The following COL23A1 variants were observed in gnomAD, a reference collection of about 807,000 sequenced individuals.
The protein encoded by COL23A1 is collagen type XXIII alpha 1 chain.
A neutral mutation model predicts 99.3 loss-of-function variants in COL23A1; 97 were observed. That is an observed-to-expected ratio of 0.98 (90% CI 0.83 to 1.16). The LOEUF (loss-of-function observed/expected upper bound fraction) is 1.16, where lower values mean the gene tolerates loss of function less well. COL23A1 is among the 50% of genes most tolerant of loss of function. COL23A1 has a pLI of 0.00. For missense variants in COL23A1, 762 were observed against 757.4 expected (o/e 1.01, Z -0.07); for synonymous variants, 320 against 308.2 (o/e 1.04, Z -0.40).
At chr5:178,349,073 C>T (rs184928148) in intron 2 of COL23A1, among the ~76,000 whole-genome samples, 1 of 152,296 alleles carries the variant, frequency 6.6e-6, no homozygotes. Context: ...AAGGGATTCT[C>T]GGTAGAGCCG....
chr5:178,441,669 GAAAC>G lies in COL23A1; in HGVS notation c.361+119009_361+119012del, dbSNP rs530713024. On this transcript the variant is annotated intron_variant, in intron 2 of 28. Coordinates refer to ENST00000390654, the MANE Select transcript of COL23A1 (RefSeq NM_173465.4). ...GAAAGACAAACACAAACATGCTTTTGAAACAAACAAAATAGTCAAGGAACCCCTA... is the reference window on the plus strand; with the variant it reads ...GAAAGACAAACACAAACATGCTTTTGAAACAAAATAGTCAAGGAACCCCTA... Among the ~76,000 whole-genome samples, 407 of 152,226 alleles carry G rather than the reference GAAAC, an allele frequency of 2.7e-3. 3 individuals are homozygous for G. Among genetic ancestry groups the G allele is most frequent in the African/African-American group, 9.7e-3 (401 of 41,506 alleles).
intron 2 of COL23A1, among the ~76,000 whole-genome samples, chr5:178,429,364 TC>T (rs1489376682): frequency 6.6e-6 from 1 of 151,928 alleles, no homozygotes; most frequent in Non-Finnish European, 1.5e-5. Context: ...TTGCCCTGCT[TC>T]CCCGGCCTGA....
At chr5:178,273,254 C>T (rs1314958645) in intron 5 of COL23A1, among the ~76,000 whole-genome samples, 6 of 152,210 alleles carry the variant, frequency 3.9e-5, no homozygotes, top group South Asian at 2.1e-4. Flanking sequence ...TCAGTGCTGC[C>T]GGCTGTTTCT....
chr5:178,321,769 G>A (rs1047902478), intron 2 of COL23A1, among the ~76,000 whole-genome samples: 2 of 151,674 alleles, frequency 1.3e-5, no homozygotes, highest in African/African-American at 4.8e-5. Context: ...GATTACAGGC[G>A]TGAGCCACCG....
intron 2 of COL23A1, among the ~76,000 whole-genome samples, chr5:178,504,268 T>C (rs1758740814): frequency 6.6e-6 from 1 of 152,072 alleles, no homozygotes; most frequent in South Asian, 2.1e-4. Flanking sequence ...ACTGCTAAGT[T>C]GGGCAGACAG....
intron 3 of COL23A1, among the ~76,000 whole-genome samples, chr5:178,303,220 A>T (rs1430664429): frequency 6.6e-6 from 1 of 152,136 alleles, no homozygotes; most frequent in East Asian, 1.9e-4. Flanking sequence ...GGCTGGTCTC[A>T]AACTCCTGGC....
chr5:178,533,851 T>C (rs760797719), intron 2 of COL23A1, among the ~76,000 whole-genome samples: 6 of 152,192 alleles, frequency 3.9e-5, no homozygotes, highest in African/African-American at 7.2e-5. Flanking sequence ...ATATAATATA[T>C]AAAAATATTT....
intron 2 of COL23A1, chr5:178,438,568 A>T (rs952319966): frequency 4.6e-5 from 7 of 152,190 alleles, no homozygotes; most frequent in African/African-American, 1.7e-4. Flanking sequence ...TTACCCAAAA[A>T]TACCTTGAAA....
intron 2 of COL23A1, among the ~76,000 whole-genome samples, chr5:178,512,724 G>A (rs1759279977): frequency 6.6e-6 from 1 of 152,150 alleles, no homozygotes. Context: ...ATCTGCAACT[G>A]CAAAAAGAGA....
chr5:178,330,368 G>T (rs945146390), intron 2 of COL23A1, among the ~76,000 whole-genome samples: 1 of 152,146 alleles, frequency 6.6e-6, no homozygotes, highest in African/African-American at 2.4e-5. Context: ...GGTGCAGATC[G>T]AGCTATGGCT....
Position 178,250,114 on chromosome 5 carries a change from G to A in COL23A1, c.1015-9C>T. The A allele has an allele frequency of 6.2e-7, 1 of 1,614,168 alleles. No homozygotes were observed. The highest frequency in any genetic ancestry group is 2.2e-5 in the East Asian group (1 of 44,884). On this transcript the variant is annotated splice_polypyrimidine_tract_variant and intron_variant, in intron 17 of 28. Transcript: ENST00000390654. The stretch of plus-strand genomic sequence containing the variant: ...GGCAATCCAAGCTCGCCCTGGAAGG[G>A]AAGAGATGGCAAGAGGGGTTATGCC...
chr5:178,588,765 C>G (rs1435936030), intron 1 of COL23A1, among the ~76,000 whole-genome samples: 3 of 152,152 alleles, frequency 2.0e-5, no homozygotes, highest in Admixed American at 6.5e-5. Flanking sequence ...CTTTGGAATC[C>G]AAAGGAACTC....
intron 2 of COL23A1, among the ~76,000 whole-genome samples, chr5:178,318,874 C>A (rs1759124237): frequency 6.6e-6 from 1 of 150,534 alleles, no homozygotes; most frequent in South Asian, 2.1e-4. Flanking sequence ...TGCACTCTAG[C>A]CTGGGCGATA....
chr5:178,290,456 C>G, intron 3 of COL23A1, 87 bp from the exon 4 acceptor site: 1 of 1,560,778 alleles, frequency 6.4e-7, no homozygotes, highest in East Asian at 2.2e-5. Context: ...CACCTGTCCT[C>G]AGCACGGCTC....
At chr5:178,382,913 C>A (rs1192745405) in intron 2 of COL23A1, among the ~76,000 whole-genome samples, 1 of 152,120 alleles carries the variant, frequency 6.6e-6, no homozygotes, top group Non-Finnish European at 1.5e-5. Flanking sequence ...AACCAGGTGG[C>A]AACCAGGGGG....
At position 178,471,524 on chromosome 5, in the gene COL23A1, C is replaced by T. The variant is rs1271929600; in HGVS notation, c.361+89158G>A. On this transcript the variant is annotated intron_variant, in intron 2 of 28. Transcript: ENST00000390654. ...AAAGTGCTCGGATTACGGGTGTGAGCCACTGTGCCTTGGCCTGCTTTTTAT... is the reference window on the plus strand; with the variant it reads ...AAAGTGCTCGGATTACGGGTGTGAGTCACTGTGCCTTGGCCTGCTTTTTAT... Among the ~76,000 whole-genome samples, 4 of 25,714 alleles carry T rather than the reference C, an allele frequency of 1.6e-4. No homozygotes were observed. The Admixed American group carries it at 1.7e-3, about 11-fold the overall frequency. The allele number at this position is 25,714 out of a possible 152,430, so 16.9% of individuals were successfully genotyped here.
chr5:178,520,157 T>C (rs1056461872), intron 2 of COL23A1, among the ~76,000 whole-genome samples: 1 of 151,986 alleles, frequency 6.6e-6, no homozygotes, highest in Admixed American at 6.6e-5. Context: ...CAGATGCATG[T>C]TGGATGGTCA....
At chr5:178,253,607 C>A (rs964197700) in intron 16 of COL23A1, among the ~76,000 whole-genome samples, 2 of 151,836 alleles carry the variant, frequency 1.3e-5, no homozygotes, top group African/African-American at 4.8e-5. Context: ...CTCAGCCTCC[C>A]GAGTAGCTGA....
intron 2 of COL23A1, among the ~76,000 whole-genome samples, chr5:178,388,323 T>G (rs1763782501): frequency 1.3e-5 from 2 of 152,124 alleles, no homozygotes. Flanking sequence ...TGGGGATGAG[T>G]TGGATTTAAT....
Sources: gnomAD v4.1 joint callset for allele counts (sites outside exome capture counted in the v4.1 genomes callset) on GRCh38, gnomAD v4.1.1 for gene constraint, MANE v1.5 for transcripts, NCBI Gene and HGNC (gene_info 2026-07-23, HGNC 2026-07-21) for gene names.